The following LRRTM3 variants were observed in gnomAD, a reference collection of about 807,000 sequenced individuals.
LRRTM3 encodes the protein leucine rich repeat transmembrane neuronal 3, also known as leucine-rich repeat transmembrane neuronal protein 3.
A neutral mutation model predicts 44.7 loss-of-function variants in LRRTM3; 24 were observed. The ratio of observed to expected loss-of-function variants is 0.54; its 90% CI spans 0.39 to 0.76. The LOEUF is 0.76. Ranked by LOEUF, LRRTM3 falls within the 30% of genes least tolerant of loss-of-function variation. The pLI is 0.00. For missense variants in LRRTM3, 587 were observed against 702.2 expected (o/e 0.84, Z 1.85); for synonymous variants, 277 against 278.7 (o/e 0.99, Z 0.06).
intron 2 of LRRTM3, among the ~76,000 whole-genome samples, chr10:67,032,322 T>C (rs903302134): frequency 2.6e-5 from 4 of 152,196 alleles, no homozygotes; most frequent in African/African-American, 9.6e-5. Flanking sequence ...AACTGACATA[T>C]GAAAACTATC....
In LRRTM3 at chr10:66,957,419, TATATATATGC is replaced by T. The variant is rs1309599439; in HGVS notation, c.1536+28976_1536+28985del. On this transcript the variant is annotated intron_variant, in intron 2 of 2. Transcript: ENST00000361320. Reference sequence around the variant, plus strand: ...ATATATATATATATATATATGCATATATATATATGCATATATATATATGCATATATATATA... The same window carrying T: ...ATATATATATATATATATATGCATATATATATATATATGCATATATATATA... Among the ~76,000 whole-genome samples, 65 of 32,946 alleles carry T rather than the reference TATATATATGC, an allele frequency of 2.0e-3. 2 individuals are homozygous for T. The highest frequency in any genetic ancestry group is 0.015 in the Middle Eastern group (1 of 68). 21.6% of individuals were successfully genotyped at this position (32,946 alleles called of 152,430 possible).
chr10:66,938,687 A>G (rs945430339), intron 2 of LRRTM3, among the ~76,000 whole-genome samples: 1 of 152,132 alleles, frequency 6.6e-6, no homozygotes, highest in Non-Finnish European at 1.5e-5. Context: ...AGGAAAATAC[A>G]GTTTTAAAGG....
At chr10:67,009,695 T>C (rs982756286) in intron 2 of LRRTM3, among the ~76,000 whole-genome samples, 1 of 152,166 alleles carries the variant, frequency 6.6e-6, no homozygotes, top group Admixed American at 6.6e-5. Flanking sequence ...TATTTGATGG[T>C]TGTAGATTGA....
intron 2 of LRRTM3, among the ~76,000 whole-genome samples, chr10:67,034,061 C>G (rs1052766552): frequency 6.6e-6 from 1 of 152,132 alleles, no homozygotes; most frequent in Non-Finnish European, 1.5e-5. Flanking sequence ...CGTGAGCCAC[C>G]GCGCCCGGCC....
At chr10:67,036,055 C>A (rs1185819446) in intron 2 of LRRTM3, among the ~76,000 whole-genome samples, 3 of 152,136 alleles carry the variant, frequency 2.0e-5, no homozygotes, top group Non-Finnish European at 1.5e-5. Context: ...CATCTTCTAA[C>A]CTCTTTAGGC....
At chr10:67,085,599 T>G (rs1857262336) in intron 2 of LRRTM3, among the ~76,000 whole-genome samples, 1 of 152,034 alleles carries the variant, frequency 6.6e-6, no homozygotes, top group Admixed American at 6.6e-5. Context: ...ATTGTCAGAC[T>G]TACTTTTAAA....
chr10:66,968,191 A>G (rs1421488347), intron 2 of LRRTM3, among the ~76,000 whole-genome samples: 2 of 152,014 alleles, frequency 1.3e-5, no homozygotes, highest in African/African-American at 4.8e-5. Context: ...CATCTCTACC[A>G]TCATCAAATA....
chr10:67,058,204 T>C (rs988078768), intron 2 of LRRTM3, among the ~76,000 whole-genome samples: 3 of 152,160 alleles, frequency 2.0e-5, no homozygotes, highest in African/African-American at 7.2e-5. Flanking sequence ...CAGCATCTCA[T>C]GAAACACCCC....
chr10:67,071,044 G>A (rs1183960837), intron 2 of LRRTM3, among the ~76,000 whole-genome samples: 1 of 152,092 alleles, frequency 6.6e-6, no homozygotes, highest in East Asian at 1.9e-4. Flanking sequence ...AAACCTAGAA[G>A]TTTTAAACTT....
At chr10:67,073,144 T>C (rs1043893995) in intron 2 of LRRTM3, among the ~76,000 whole-genome samples, 2 of 152,216 alleles carry the variant, frequency 1.3e-5, no homozygotes, top group Admixed American at 6.5e-5. Flanking sequence ...AAATTTTAGT[T>C]CTTTTAGTCC....
At chr10:67,022,006 A>C (rs759157866) in intron 2 of LRRTM3, among the ~76,000 whole-genome samples, 10 of 152,224 alleles carry the variant, frequency 6.6e-5, no homozygotes, top group Non-Finnish European at 1.3e-4. Context: ...TCTAATTGTT[A>C]AGTCGCAATA....
chr10:66,926,991 A>T lies in LRRTM3; in HGVS notation c.75A>T (p.Thr25=), dbSNP rs186023766. The T allele has an allele frequency of 2.5e-6, 4 of 1,614,186 alleles. No individual in the cohort carries two copies. The Admixed American group carries it at 5.0e-5, about 20-fold the overall frequency. ...TTATAGCCCCCACTGTCTTACTGAC[A>T]ATGCTTTCTTCTGCCGAACGAGGAT... ...ALVIAPTVLL[T]MLSSAERGCP... Residue 25 remains threonine (T), a synonymous_variant, in exon 2 of 3, where the codon ACA becomes ACT. Coordinates refer to ENST00000361320, the MANE Select transcript of LRRTM3 (RefSeq NM_178011.5).
At chr10:66,946,865 T>C (rs1020172297) in intron 2 of LRRTM3, among the ~76,000 whole-genome samples, 1 of 152,168 alleles carries the variant, frequency 6.6e-6, no homozygotes, top group African/African-American at 2.4e-5. Context: ...TTTCATGTAT[T>C]CCACAGCATG....
At chr10:66,982,676 A>G (rs1850508464) in intron 2 of LRRTM3, among the ~76,000 whole-genome samples, 1 of 152,264 alleles carries the variant, frequency 6.6e-6, no homozygotes, top group African/African-American at 2.4e-5. Context: ...AAAAGAGATC[A>G]ATGAATAGAT....
At chr10:66,939,737 A>G (rs1376523900) in intron 2 of LRRTM3, among the ~76,000 whole-genome samples, 2 of 152,184 alleles carry the variant, frequency 1.3e-5, no homozygotes, top group East Asian at 3.9e-4. Context: ...TTTTTGGAAC[A>G]TACGTGATAA....
chr10:67,022,501 G>A (rs1853084991), intron 2 of LRRTM3, among the ~76,000 whole-genome samples: 1 of 152,084 alleles, frequency 6.6e-6, no homozygotes, highest in Non-Finnish European at 1.5e-5. Context: ...AATTTTCAGA[G>A]ATGACAAAGG....
intron 2 of LRRTM3, among the ~76,000 whole-genome samples, chr10:67,033,917 T>A (rs2133119297): frequency 6.6e-6 from 1 of 152,178 alleles, no homozygotes; most frequent in East Asian, 1.9e-4. Context: ...GATTACAGGC[T>A]TGCGCTACCA....
At chr10:66,964,800 A>G (rs1324058668) in intron 2 of LRRTM3, among the ~76,000 whole-genome samples, 3 of 152,334 alleles carry the variant, frequency 2.0e-5, no homozygotes, top group African/African-American at 7.2e-5. Flanking sequence ...GATGAGAGGC[A>G]GACTGCAAAC....
intron 2 of LRRTM3, among the ~76,000 whole-genome samples, chr10:66,944,147 T>C (rs937563276): frequency 1.3e-5 from 2 of 152,228 alleles, no homozygotes; most frequent in African/African-American, 2.4e-5. Context: ...GTAGAACTTC[T>C]TTCAAAATTG....
Sources: gnomAD v4.1 joint callset for allele counts (sites outside exome capture counted in the v4.1 genomes callset) on GRCh38, gnomAD v4.1.1 for gene constraint, MANE v1.5 for transcripts, NCBI Gene and HGNC (gene_info 2026-07-23, HGNC 2026-07-21) for gene names.